SNTB1: variants seen among roughly 807,000 people sequenced by gnomAD.
SNTB1 encodes beta-1-syntrophin.
Under a neutral mutation model 48.9 loss-of-function variants are expected in SNTB1, and 36 were observed. That is an observed-to-expected ratio of 0.74 (90% CI 0.56 to 0.97). The LOEUF (loss-of-function observed/expected upper bound fraction) is 0.97. Among genes scored for constraint, SNTB1 ranks in the 50% least tolerant of loss-of-function variants. SNTB1 has a pLI of 0.00. For missense variants in SNTB1, 786 were observed against 703.4 expected (o/e 1.12, Z -1.33); for synonymous variants, 299 against 294.6 (o/e 1.01, Z -0.15).
chr8:120,544,301 G>T (rs761405336), intron 5 of SNTB1, among the ~76,000 whole-genome samples: 14 of 152,144 alleles, frequency 9.2e-5, no homozygotes, highest in Non-Finnish European at 1.3e-4. Context: ...ACCTCAAATA[G>T]TATTTGGGGT....
chr8:120,629,867 A>G (rs1816951032), intron 3 of SNTB1, among the ~76,000 whole-genome samples: 1 of 152,242 alleles, frequency 6.6e-6, no homozygotes, highest in African/African-American at 2.4e-5. Context: ...TCATATGCTA[A>G]AAACAGGAAG....
At chr8:120,654,641 G>A (rs750603670) in intron 2 of SNTB1, among the ~76,000 whole-genome samples, 2 of 152,114 alleles carry the variant, frequency 1.3e-5, no homozygotes, top group Admixed American at 1.3e-4. Context: ...AGCTTGGCAC[G>A]GCGTATGAAT....
At chr8:120,675,568 T>C (rs149660458) in intron 2 of SNTB1, among the ~76,000 whole-genome samples, 1 of 152,158 alleles carries the variant, frequency 6.6e-6, no homozygotes, top group Non-Finnish European at 1.5e-5. Context: ...GGAACACACA[T>C]ACTTATCATT....
chr8:120,632,364 G>T, intron 3 of SNTB1, 80 bp downstream of exon 3: 1 of 1,271,502 alleles, frequency 7.9e-7, no homozygotes, highest in Non-Finnish European at 1.1e-6. Flanking sequence ...CAGCCTATGG[G>T]ATGAGATAGT....
chr8:120,792,403 A>G (rs1184523032), intron 1 of SNTB1, among the ~76,000 whole-genome samples: 1 of 151,970 alleles, frequency 6.6e-6, no homozygotes, highest in African/African-American at 2.4e-5. Context: ...TACAATGTAC[A>G]CTAGTTGTGT....
chr8:120,717,206 C>T (rs747643247), intron 1 of SNTB1, among the ~76,000 whole-genome samples: 14 of 152,194 alleles, frequency 9.2e-5, no homozygotes, highest in East Asian at 3.8e-4. Flanking sequence ...CAGGCCACTA[C>T]GGACCTCACT....
Position 120,785,922 on chromosome 8 carries a change from A to G in SNTB1, c.571+25351T>C, listed in dbSNP as rs548356103. Reference sequence around the variant, plus strand: ...TGCCATTGCCTGCATTACGCTGGCTAACCAGGAGGTCTTGAGTCTGTCCAT... The same window carrying G: ...TGCCATTGCCTGCATTACGCTGGCTGACCAGGAGGTCTTGAGTCTGTCCAT... On this transcript the variant is annotated intron_variant, in intron 1 of 6. Coordinates refer to ENST00000517992, the MANE Select transcript of SNTB1 (RefSeq NM_021021.4). Among the ~76,000 whole-genome samples, 59 of 152,338 alleles carry G rather than the reference A, an allele frequency of 3.9e-4. No homozygotes were observed. The South Asian group carries it at 0.012, about 32-fold the overall frequency.
At chr8:120,722,585 A>C (rs541870249) in intron 1 of SNTB1, among the ~76,000 whole-genome samples, 98 of 152,034 alleles carry the variant, frequency 6.4e-4, no homozygotes, top group Middle Eastern at 3.4e-3. Context: ...TCACTTTTTG[A>C]TGGGGTTGTT....
At chr8:120,672,949 C>T (rs995927447) in intron 2 of SNTB1, among the ~76,000 whole-genome samples, 1 of 152,156 alleles carries the variant, frequency 6.6e-6, no homozygotes, top group Non-Finnish European at 1.5e-5. Flanking sequence ...ACCATAGTAC[C>T]TCAGGTCCCC....
chr8:120,797,296 C>T (rs893210965), intron 1 of SNTB1, among the ~76,000 whole-genome samples: 5 of 151,924 alleles, frequency 3.3e-5, no homozygotes, highest in Non-Finnish European at 5.9e-5. Context: ...TAAAGTGTAC[C>T]TGTATAAAAA....
intron 1 of SNTB1, among the ~76,000 whole-genome samples, chr8:120,734,530 C>T (rs1383414176): frequency 6.6e-6 from 1 of 152,004 alleles, no homozygotes; most frequent in Non-Finnish European, 1.5e-5. Flanking sequence ...GGCTTTATGC[C>T]ACCTTACTTC....
chr8:120,690,285 T>G (rs568965840), intron 2 of SNTB1, among the ~76,000 whole-genome samples: 207 of 152,332 alleles, frequency 1.4e-3, no homozygotes, highest in African/African-American at 4.8e-3. Flanking sequence ...CAGGCATCTA[T>G]TGGGGGTCCT....
chr8:120,609,238 C>T (rs1472995776), intron 3 of SNTB1, among the ~76,000 whole-genome samples: 1 of 152,162 alleles, frequency 6.6e-6, no homozygotes, highest in East Asian at 1.9e-4. Flanking sequence ...ATCTTAAAAA[C>T]TAGACAAGCC....
At chr8:120,612,672 G>A (rs931740762) in intron 3 of SNTB1, among the ~76,000 whole-genome samples, 1 of 152,120 alleles carries the variant, frequency 6.6e-6, no homozygotes, top group East Asian at 1.9e-4. Context: ...TCCTGCCTCA[G>A]CCTCCCTAGT....
rs950882726 is a variant in SNTB1, at chr8:120,536,845, T to G, written c.*2032A>C. 4.6e-5 allele frequency: 7 copies of G among 152,174 alleles called. No homozygotes were observed. The highest frequency in any genetic ancestry group is 1.3e-4 in the Admixed American group (2 of 15,288). 9.4% of individuals were successfully genotyped at this position (152,174 alleles called of 1,614,324 possible). The stretch of plus-strand genomic sequence containing the variant: ...TATAATAGAATCTTGGCAACTTAAT[T>G]ATGAGCAGTTAACTCATACTTCATG... On this transcript the variant is annotated 3_prime_UTR_variant, in exon 7 of 7. Transcript: ENST00000517992.
At chr8:120,684,190 T>G (rs1806709501) in intron 2 of SNTB1, among the ~76,000 whole-genome samples, 1 of 152,166 alleles carries the variant, frequency 6.6e-6, no homozygotes. Flanking sequence ...ATCCTGTTCA[T>G]GAGGATGGAG....
chr8:120,704,085 C>G (rs1818345869), intron 1 of SNTB1, among the ~76,000 whole-genome samples: 1 of 152,138 alleles, frequency 6.6e-6, no homozygotes, highest in African/African-American at 2.4e-5. Context: ...GATGCTGCCT[C>G]TAAACATATG....
chr8:120,811,336 C>T lies in SNTB1; in HGVS notation c.508G>A (p.Asp170Asn), dbSNP rs775013885. The T allele has an allele frequency of 3.1e-6, 5 of 1,612,254 alleles. No individual in the cohort carries two copies. The highest frequency in any genetic ancestry group is 4.2e-6 in the Non-Finnish European group (5 of 1,179,806). Residue 170 changes from aspartate to asparagine, a missense_variant, in exon 1 of 7, where the codon GAC becomes AAC. Physicochemically the swap from Asp to Asn is conservative, Grantham distance 23 (BLOSUM62 1). Transcript: ENST00000517992. ...ILSVNGADLR[D>N]ATHDEAVQAL... ...TGCACCGCCTCGTCGTGGGTGGCGT[C>T]CCGCAGGTCGGCTCCGTTCACGGAC...
chr8:120,603,719 T>C (rs1029580215), intron 3 of SNTB1, among the ~76,000 whole-genome samples: 2 of 152,180 alleles, frequency 1.3e-5, no homozygotes, highest in African/African-American at 4.8e-5. Flanking sequence ...AAGGGGAAAC[T>C]GCTGGGTCCT....
Sources: gnomAD v4.1 joint callset for allele counts (sites outside exome capture counted in the v4.1 genomes callset) on GRCh38, gnomAD v4.1.1 for gene constraint, MANE v1.5 for transcripts, NCBI Gene and HGNC (gene_info 2026-07-23, HGNC 2026-07-21) for gene names.